Variants in SNX29 observed in about 807,000 individuals in gnomAD.
SNX29 encodes the protein sorting nexin 29.
SNX29 carries 78 observed loss-of-function variants against 102.1 expected under a neutral mutation model. The observed-to-expected ratio is 0.76, with a 90% CI of 0.64 to 0.92. The LOEUF (loss-of-function observed/expected upper bound fraction) is 0.92, where lower values mean the gene tolerates loss of function less well. Among genes scored for constraint, SNX29 ranks in the 40% least tolerant of loss-of-function variants. The pLI, the probability that SNX29 is intolerant of heterozygous loss-of-function variation, is 0.00. For missense variants in SNX29, 1,280 were observed against 1,061.7 expected, an observed-to-expected ratio of 1.21 and a Z score of -2.86; for synonymous variants, 580 against 414.5, an observed-to-expected ratio of 1.40 and a Z score of -4.85.
At chr16:12,396,904 C>G (rs1248345426) in intron 16 of SNX29, among the ~76,000 whole-genome samples, 2 of 152,192 alleles carry the variant, frequency 1.3e-5, no homozygotes, top group African/African-American at 2.4e-5. Flanking sequence ...TACAAATTCT[C>G]TTAACTTTCT....
chr16:12,409,444 T>G (rs1161521116), intron 18 of SNX29, among the ~76,000 whole-genome samples: 1 of 98,036 alleles, frequency 1.0e-5, no homozygotes, highest in Non-Finnish European at 2.3e-5. Flanking sequence ...TTTTTTTTTT[T>G]TTGAGACGGA....
At chr16:12,090,543 C>A (rs1234005145) in intron 11 of SNX29, among the ~76,000 whole-genome samples, 1 of 152,172 alleles carries the variant, frequency 6.6e-6, no homozygotes. Context: ...CCCAAGGGTT[C>A]AAGTGCCAGC....
rs1207832862 is a variant in SNX29 at position 12,572,638 on chromosome 16, C to A, written c.*4009C>A. ...CTACCCCCAGAATCCATCCTTCATTCCTCCACCAAGCTCCTGTGTGAGCTG... is the reference window on the plus strand; with the variant it reads ...CTACCCCCAGAATCCATCCTTCATTACTCCACCAAGCTCCTGTGTGAGCTG... On this transcript the variant is annotated 3_prime_UTR_variant, in exon 21 of 21. Transcript: ENST00000566228. 2 of 1,063,730 alleles carry A rather than the reference C, an allele frequency of 1.9e-6. No individual in the cohort carries two copies. The highest frequency in any genetic ancestry group is 5.4e-5 in the Admixed American group (1 of 18,678). The allele number at this position is 1,063,730 out of a possible 1,614,324, so 65.9% of individuals were successfully genotyped here.
At chr16:12,192,115 T>G (rs1184716430) in intron 13 of SNX29, among the ~76,000 whole-genome samples, 1 of 152,230 alleles carries the variant, frequency 6.6e-6, no homozygotes, top group Non-Finnish European at 1.5e-5. Context: ...GGTTGCTGGT[T>G]GTTTACTCTG....
chr16:11,994,726 A>G (rs1043627169), intron 1 of SNX29, among the ~76,000 whole-genome samples: 7 of 152,168 alleles, frequency 4.6e-5, no homozygotes, highest in African/African-American at 1.7e-4. Context: ...TGGCGGCAAC[A>G]TTTGAAGCTG....
At chr16:12,362,549 G>GCCCCCC (rs1555519655) in intron 16 of SNX29, among the ~76,000 whole-genome samples, 3 of 59,594 alleles carry the variant, frequency 5.0e-5, no homozygotes, top group African/African-American at 2.2e-4. Flanking sequence ...TTTGGCTGCT[G>GCCCCCC]CACTCCCCCC....
intron 14 of SNX29, among the ~76,000 whole-genome samples, chr16:12,232,768 T>C (rs1035137896): frequency 2.0e-5 from 3 of 152,080 alleles, no homozygotes. Context: ...GCAGAAGATG[T>C]CCCCTGAGAG....
intron 17 of SNX29, among the ~76,000 whole-genome samples, chr16:12,399,558 G>A (rs1328508513): frequency 6.6e-6 from 1 of 152,234 alleles, no homozygotes; most frequent in African/African-American, 2.4e-5. Flanking sequence ...GCTGGCCTGC[G>A]TTGAAATCTC....
intron 3 of SNX29, among the ~76,000 whole-genome samples, chr16:12,010,281 T>C (rs1344900777): frequency 2.6e-5 from 4 of 152,154 alleles, no homozygotes; most frequent in Non-Finnish European, 5.9e-5. Flanking sequence ...CTCTTTGCCA[T>C]ATGGGTGGCA....
intron 13 of SNX29, among the ~76,000 whole-genome samples, chr16:12,157,412 C>T (rs529869400): frequency 1.3e-5 from 2 of 152,178 alleles, no homozygotes; most frequent in Non-Finnish European, 1.5e-5. Context: ...GGGCAGGGGA[C>T]GTGGGGTCAT....
At chr16:12,552,762 T>G (rs3848242) in intron 20 of SNX29, among the ~76,000 whole-genome samples, 4,101 of 152,248 alleles carry the variant, frequency 0.027, 388 homozygotes, top group East Asian at 0.21. Context: ...TGATTTAAGG[T>G]ATGAATTCAT....
intron 20 of SNX29, among the ~76,000 whole-genome samples, chr16:12,532,465 C>G (rs1567663214): frequency 1.3e-5 from 2 of 152,104 alleles, no homozygotes; most frequent in Admixed American, 6.6e-5. Context: ...ATTAAGCAAA[C>G]AGTTTTAGAT....
At chr16:12,158,703 C>T (rs1323192619) in intron 13 of SNX29, among the ~76,000 whole-genome samples, 1 of 152,234 alleles carries the variant, frequency 6.6e-6, no homozygotes. Context: ...GCAACGTGCA[C>T]CGGAGACTCG....
At chr16:12,142,646 C>G (rs770627283) in intron 13 of SNX29, among the ~76,000 whole-genome samples, 2 of 152,002 alleles carry the variant, frequency 1.3e-5, no homozygotes, top group Non-Finnish European at 1.5e-5. Flanking sequence ...ATCACTGCAA[C>G]CTCTGCCTCC....
intron 16 of SNX29, among the ~76,000 whole-genome samples, chr16:12,386,990 T>G (rs541917743): frequency 9.5e-4 from 145 of 152,272 alleles, no homozygotes; most frequent in African/African-American, 3.2e-3. Context: ...CTGGGCATGG[T>G]GGCATACGCC....
At chr16:12,524,371 A>G (rs2090215285) in intron 19 of SNX29, among the ~76,000 whole-genome samples, 1 of 151,874 alleles carries the variant, frequency 6.6e-6, no homozygotes, top group Non-Finnish European at 1.5e-5. Context: ...CACGAAGGCC[A>G]CAGCAGTGTG....
chr16:12,416,946 C>T (rs1430046208), intron 18 of SNX29, among the ~76,000 whole-genome samples: 1 of 152,210 alleles, frequency 6.6e-6, no homozygotes, highest in African/African-American at 2.4e-5. Flanking sequence ...AACCCCATAA[C>T]TGTGTATAAT....
intron 3 of SNX29, among the ~76,000 whole-genome samples, chr16:12,010,960 T>G (rs1219822416): frequency 2.0e-5 from 3 of 152,146 alleles, no homozygotes; most frequent in Non-Finnish European, 2.9e-5. Flanking sequence ...GTTTGTCATG[T>G]GATTTTTATG....
intron 15 of SNX29, among the ~76,000 whole-genome samples, chr16:12,304,748 T>A (rs2063933824): frequency 6.6e-6 from 1 of 152,240 alleles, no homozygotes; most frequent in Non-Finnish European, 1.5e-5. Flanking sequence ...TTAAGAATAT[T>A]ACTCCATAAT....
Sources: allele counts gnomAD v4.1 joint callset (sites outside exome capture counted in the v4.1 genomes callset), GRCh38; gene constraint gnomAD v4.1.1; transcripts MANE v1.5; gene names NCBI Gene and HGNC (gene_info 2026-07-23, HGNC 2026-07-21).